Variants in COL24A1 observed in about 807,000 individuals in gnomAD.
COL24A1 encodes collagen alpha-1(XXIV) chain.
COL24A1 carries 224 observed loss-of-function variants against 253.9 expected under a neutral mutation model. That is an observed-to-expected ratio of 0.88 (90% CI 0.79 to 0.99). The LOEUF (loss-of-function observed/expected upper bound fraction) is 0.99. Ranked by LOEUF, COL24A1 falls within the 50% of genes least tolerant of loss-of-function variation. The pLI, the probability that COL24A1 is intolerant of heterozygous loss-of-function variation, is 0.00. For synonymous variants in COL24A1, 685 were observed against 673.7 expected (o/e 1.02, Z -0.26); for missense variants, 2,131 against 2,068.5 (o/e 1.03, Z -0.59).
chr1:85,809,144 C>T (rs2101862909), intron 47 of COL24A1, among the ~76,000 whole-genome samples: 1 of 152,224 alleles, frequency 6.6e-6, no homozygotes, highest in Admixed American at 6.5e-5. Context: ...TGACCTCTGG[C>T]CATATAACTC....
chr1:85,866,879 G>A (rs1679854600), intron 37 of COL24A1, among the ~76,000 whole-genome samples: 1 of 152,154 alleles, frequency 6.6e-6, no homozygotes, highest in Non-Finnish European at 1.5e-5. Flanking sequence ...GAAGGACAGA[G>A]AAGAAATGGG....
chr1:86,125,575 A>G lies in COL24A1; in HGVS notation c.761T>C (p.Ile254Thr), dbSNP rs1222413108. ...QADKYQPETS[I>T]PCTTLIPTKI... Reference sequence around the variant, plus strand: ...TGTTGGTATGAGAGTTGTACAAGGAATGCTTGTTTCAGGTTGGTATTTGTC... The same window carrying G: ...TGTTGGTATGAGAGTTGTACAAGGAGTGCTTGTTTCAGGTTGGTATTTGTC... Residue 254 changes from isoleucine (I) to threonine (T), a missense_variant, in exon 3 of 60, where the codon ATT becomes ACT. By Grantham distance (89) the Ile-to-Thr change is moderately conservative. Coordinates refer to ENST00000370571, the MANE Select transcript of COL24A1 (RefSeq NM_152890.7). 6.2e-7 allele frequency: 1 copy of G among 1,613,456 alleles called. No individual in the cohort carries two copies. Among genetic ancestry groups the G allele is most frequent in the South Asian group, 1.1e-5 (1 of 91,044 alleles).
intron 1 of COL24A1, 94 bp from the exon 2 acceptor site, chr1:86,146,277 A>G: frequency 1.1e-6 from 1 of 948,014 alleles, no homozygotes; most frequent in Non-Finnish European, 1.6e-6. Context: ...TTAAGAATTA[A>G]GCAATTATTT....
intron 37 of COL24A1, among the ~76,000 whole-genome samples, chr1:85,862,166 T>C (rs550960805): frequency 1.3e-5 from 2 of 152,194 alleles, no homozygotes; most frequent in African/African-American, 4.8e-5. Context: ...CAATCTGCAG[T>C]GATCTTTTAA....
intron 47 of COL24A1, among the ~76,000 whole-genome samples, chr1:85,791,081 C>T (rs747051537): frequency 4.8e-4 from 73 of 152,198 alleles, no homozygotes; most frequent in Non-Finnish European, 8.5e-4. Flanking sequence ...AGATTGTTAG[C>T]TTTTTGGCAA....
chr1:85,945,002 GTTTTTTTTTTT>G (rs1165341082), intron 24 of COL24A1, among the ~76,000 whole-genome samples: 1 of 35,366 alleles, frequency 2.8e-5, no homozygotes, highest in Non-Finnish European at 4.8e-5. Context: ...CTATCATTGT[GTTTTTTTTTTT>G]TTTTTTTTTT....
intron 24 of COL24A1, among the ~76,000 whole-genome samples, chr1:85,946,974 C>T (rs1460990053): frequency 6.6e-6 from 1 of 152,110 alleles, no homozygotes; most frequent in African/African-American, 2.4e-5. Flanking sequence ...GCTTTTTGCA[C>T]AGGACAAAAG....
chr1:85,892,590 C>T (rs1483306507), intron 31 of COL24A1, among the ~76,000 whole-genome samples: 1 of 151,942 alleles, frequency 6.6e-6, no homozygotes, highest in Non-Finnish European at 1.5e-5. Flanking sequence ...CCCCATTAAA[C>T]ATCTCTAAAG....
At chr1:85,867,485 CCAGAGTACAGA>C (rs1316783241) in intron 37 of COL24A1, among the ~76,000 whole-genome samples, 1 of 152,076 alleles carries the variant, frequency 6.6e-6, no homozygotes, top group African/African-American at 2.4e-5. Context: ...AATAAAACTG[CCAGAGTACAGA>C]AGAAAGAGAA....
intron 1 of COL24A1, among the ~76,000 whole-genome samples, chr1:86,150,414 G>A (rs960787343): frequency 6.6e-6 from 1 of 152,146 alleles, no homozygotes; most frequent in African/African-American, 2.4e-5. Flanking sequence ...ATCTCCCAAT[G>A]ACTGAGGAAT....
At chr1:85,743,979 C>G (rs1445325012) in intron 57 of COL24A1, among the ~76,000 whole-genome samples, 2 of 151,864 alleles carry the variant, frequency 1.3e-5, no homozygotes, top group African/African-American at 2.4e-5. Context: ...CATAACATAG[C>G]TTTTTCAAAT....
chr1:85,994,963 G>T (rs1384049180), intron 19 of COL24A1, among the ~76,000 whole-genome samples: 1 of 152,108 alleles, frequency 6.6e-6, no homozygotes, highest in Admixed American at 6.5e-5. Context: ...AGTGACTACT[G>T]CTATTCATAT....
rs141552110 is a variant in COL24A1, at chr1:86,130,851, T to A, written c.122-4637A>T. Reference sequence around the variant, plus strand: ...TTGTATGGCATTTATATTTTTCTTTTTCCCACATTTTCTTTTGACAAATAG... The same window carrying A: ...TTGTATGGCATTTATATTTTTCTTTATCCCACATTTTCTTTTGACAAATAG... On this transcript the variant is annotated intron_variant, in intron 2 of 59. Coordinates refer to ENST00000370571, the MANE Select transcript of COL24A1 (RefSeq NM_152890.7). 3.8e-3 allele frequency among the ~76,000 whole-genome samples: 580 copies of A among 152,132 alleles called. 2 individuals carry two copies. Among genetic ancestry groups the A allele is most frequent in the Non-Finnish European group, 6.1e-3 (412 of 67,964 alleles).
intron 1 of COL24A1, 193 bp downstream of exon 1, chr1:86,156,148 C>A (rs550228305): frequency 3.6e-6 from 2 of 548,494 alleles, no homozygotes; most frequent in Non-Finnish European, 6.6e-6. Context: ...TCTGCTGGCA[C>A]GAGGCATCCT....
chr1:85,896,400 C>T lies in COL24A1; in HGVS notation c.2788G>A (p.Gly930Arg), dbSNP rs201556694. ...QGPKGQRGSR[G>R]PDGLLGEQGI... ...TGTTCCCCTAAGAGACCATCTGGTC[C>T]TCTTGATCCCTAGAGGTGAAAAAAA... The change falls in exon 29 of 60, where the codon GGA (glycine) becomes AGA (arginine). Residue 930 changes from glycine (G) to arginine (R), a missense_variant. Physicochemically the swap from Gly to Arg is moderately radical, Grantham distance 125. Transcript: ENST00000370571. 6.8e-6 allele frequency: 11 copies of T among 1,612,718 alleles called. No individual in the cohort carries two copies. The highest frequency in any genetic ancestry group is 9.3e-6 in the Non-Finnish European group (11 of 1,178,986).
intron 24 of COL24A1, among the ~76,000 whole-genome samples, chr1:85,942,889 G>A (rs1005360267): frequency 6.6e-6 from 1 of 152,080 alleles, no homozygotes; most frequent in Non-Finnish European, 1.5e-5. Context: ...GGGTAGACTC[G>A]ACTTAATTTT....
chr1:86,020,986 G>A (rs923039860), intron 18 of COL24A1, among the ~76,000 whole-genome samples: 10 of 152,066 alleles, frequency 6.6e-5, no homozygotes, highest in African/African-American at 1.9e-4. Flanking sequence ...ACATTTCATC[G>A]AATAGATGCC....
At chr1:85,823,406 G>A in intron 45 of COL24A1, 130 bp downstream of exon 45, 2 of 804,996 alleles carry the variant, frequency 2.5e-6, no homozygotes, top group Non-Finnish European at 4.1e-6. Flanking sequence ...CTACTTAGAG[G>A]CCCATAGTGA....
At position 85,982,839 on chromosome 1, in the gene COL24A1, A is replaced by G. The variant is rs187508129; in HGVS notation, c.2364+4762T>C. ...TTCCCATTGTACAAACTCAATAAAT[A>G]TTTCTTAGCTGACTAAATGTTACCT... On this transcript the variant is annotated intron_variant, in intron 20 of 59. Transcript: ENST00000370571. Among the ~76,000 whole-genome samples the G allele has an allele frequency of 2.0e-3, 301 of 152,130 alleles. 10 individuals carry two copies. In the South Asian group the frequency reaches 0.05, roughly 25 times the overall value.
Sources: gnomAD v4.1 joint callset for allele counts (sites outside exome capture counted in the v4.1 genomes callset) on GRCh38, gnomAD v4.1.1 for gene constraint, MANE v1.5 for transcripts, NCBI Gene and HGNC (gene_info 2026-07-23, HGNC 2026-07-21) for gene names.